Variants in MON2 observed in about 807,000 individuals in gnomAD.
MON2 encodes protein MON2 homolog.
A neutral mutation model predicts 208.6 loss-of-function variants in MON2; 84 were observed. The observed-to-expected ratio is 0.40, with a 90% CI of 0.34 to 0.48. The LOEUF (loss-of-function observed/expected upper bound fraction) is 0.48, where lower values mean the gene tolerates loss of function less well. Among genes scored for constraint, MON2 ranks in the 20% least tolerant of loss-of-function variants. The probability of loss-of-function intolerance (pLI) is 0.59; values close to 1 mark genes in which losing one functional copy is unlikely to be tolerated. For missense variants in MON2, 1,611 were observed against 2,015.4 expected (o/e 0.80, Z 3.84); for synonymous variants, 660 against 694.0 (o/e 0.95, Z 0.77).
chr12:62,472,786 T>A (rs1182651011), intron 1 of MON2, among the ~76,000 whole-genome samples: 5 of 152,196 alleles, frequency 3.3e-5, no homozygotes, highest in Admixed American at 2.6e-4. Flanking sequence ...TTACTTGGGA[T>A]CTGTTTTGGT....
At chr12:62,557,888 C>A (rs2136330281) in intron 25 of MON2, among the ~76,000 whole-genome samples, 1 of 124,842 alleles carries the variant, frequency 8.0e-6, no homozygotes, top group South Asian at 2.7e-4. Flanking sequence ...ATTTTTAGTA[C>A]CTTCATGATA....
chr12:62,592,044 A>T (rs2075413205), intron 34 of MON2, among the ~76,000 whole-genome samples: 1 of 152,188 alleles, frequency 6.6e-6, no homozygotes, highest in Non-Finnish European at 1.5e-5. Flanking sequence ...GTTCCTCCCC[A>T]CTCAAGTCTA....
intron 30 of MON2, among the ~76,000 whole-genome samples, chr12:62,577,103 C>T (rs2074820778): frequency 6.6e-6 from 1 of 151,968 alleles, no homozygotes; most frequent in Non-Finnish European, 1.5e-5. Context: ...TTACTAAACC[C>T]TTACCTTCCT....
At position 62,549,673 on chromosome 12, in the gene MON2, C is replaced by T; in HGVS notation, c.2759C>T (p.Ser920Phe). 2 of 1,589,866 alleles carry T rather than the reference C, an allele frequency of 1.3e-6. No homozygotes were observed. The highest frequency in any genetic ancestry group is 1.7e-6 in the Non-Finnish European group (2 of 1,172,700). Residue 920 changes from serine to phenylalanine, a missense_variant, in exon 23 of 35, where the codon TCC (serine) becomes TTC (phenylalanine). Coordinates refer to ENST00000393630, the MANE Select transcript of MON2 (RefSeq NM_015026.3). ...TACATTTCTTTTGTTTTCAGAGAAT[C>T]CTTGATACGAACTGCATTCCAGTGT... ...MGAIRNDQGESLIRTAFQCLQ... is the reference protein window; with the variant it reads ...MGAIRNDQGEFLIRTAFQCLQ...
rs992348671 is a variant in MON2 at position 62,556,176 on chromosome 12, T to C, written c.3393T>C (p.Tyr1131=). ...GVARIFNTRR[Y]LLQPLGDFSR... is the part of the protein sequence containing the mutation. ...CAAGGATCTTCAACACTAGAAGATA[T>C]TTGCTGCAGCCTTTAGGTATACGTA... Residue 1131 remains tyrosine (Y), a synonymous_variant, in exon 25 of 35, where the codon TAT becomes TAC. Coordinates refer to ENST00000393630, the MANE Select transcript of MON2 (RefSeq NM_015026.3). The C allele has an allele frequency of 1.2e-6, 2 of 1,613,740 alleles. No homozygotes were observed. The highest frequency in any genetic ancestry group is 1.7e-5 in the Admixed American group (1 of 59,982).
At chr12:62,472,159 A>G in intron 1 of MON2, among the ~76,000 whole-genome samples, 1 of 152,226 alleles carries the variant, frequency 6.6e-6, no homozygotes, top group Non-Finnish European at 1.5e-5. Context: ...AAAGAAGGAA[A>G]GCCAATAGTT....
At chr12:62,550,909 C>CTTTTTTTTTTTT (rs869160726) in intron 23 of MON2, among the ~76,000 whole-genome samples, 13 of 43,804 alleles carry the variant, frequency 3.0e-4, no homozygotes, top group Non-Finnish European at 3.4e-4. Flanking sequence ...TTCTTTCTTT[C>CTTTTTTTTTTTT]TTTTTTTTTT....
intron 7 of MON2, among the ~76,000 whole-genome samples, chr12:62,506,307 A>C (rs991281394): frequency 6.6e-6 from 1 of 152,224 alleles, no homozygotes. Flanking sequence ...AATATTTATA[A>C]AAGTCTGGAA....
At chr12:62,494,968 A>T (rs1423746863) in intron 3 of MON2, 48 bp from the exon 4 acceptor site, 5 of 1,397,026 alleles carry the variant, frequency 3.6e-6, no homozygotes, top group Non-Finnish European at 4.9e-6. Context: ...AGGGACATCA[A>T]CATCTATATT....
intron 26 of MON2, 145 bp downstream of exon 26, chr12:62,561,258 C>G (rs1286923395): frequency 3.1e-6 from 2 of 643,464 alleles, no homozygotes; most frequent in Non-Finnish European, 4.9e-6. Context: ...TTGTCAAGAT[C>G]TAGGTATTTT....
chr12:62,538,139 C>T lies in MON2; in HGVS notation c.2162C>T (p.Ala721Val), dbSNP rs1276847381. The change falls in exon 17 of 35, where the codon GCC becomes GTC. Residue 721 changes from alanine to valine, a missense_variant. Ala to Val is a moderately conservative substitution (Grantham distance 64). Transcript: ENST00000393630. ...GGATTAAAGCCTAGTAGTGGCGGTG[C>T]CTTGAAACCTGGGAGAGCTGTAGAA... is the stretch of plus-strand genomic sequence containing the variant. ...ILGLKPSSGG[A>V]LKPGRAVEGP... 6.2e-7 allele frequency: 1 copy of T among 1,613,486 alleles called. No individual in the cohort carries two copies. The highest frequency in any genetic ancestry group is 1.1e-5 in the South Asian group (1 of 91,048).
rs374102987 is a variant in MON2, at chr12:62,536,224, A to T, written c.1900+515A>T. ...AGATACCATTGAAATGGTGATTGTTATTTTTTTTTAATGGAACTAGTAGAA... is the reference window on the plus strand; with the variant it reads ...AGATACCATTGAAATGGTGATTGTTTTTTTTTTTTAATGGAACTAGTAGAA... On this transcript the variant is annotated intron_variant, in intron 14 of 34. Transcript: ENST00000393630. Among the ~76,000 whole-genome samples the T allele has an allele frequency of 4.6e-5, 7 of 150,926 alleles. 1 individual carries two copies. Among genetic ancestry groups the T allele is most frequent in the Middle Eastern group, 6.8e-3 (2 of 294 alleles).
At position 62,537,152 on chromosome 12, in the gene MON2, A is replaced by G; in HGVS notation, c.1902A>G (p.Ser634=). ...TTTAGGCTTTCCTTTGTGTTCTAGC[A>G]TATTCCGTTCAGGGCCAAAGTGTTA... ...TTTAATLSNK[S]YSVQGQSVMM... is the part of the protein sequence containing the mutation. Residue 634 remains serine (S), a splice_region_variant and synonymous_variant, in exon 15 of 35, where the codon TCA becomes TCG. Coordinates refer to ENST00000393630, the MANE Select transcript of MON2 (RefSeq NM_015026.3). The G allele has an allele frequency of 6.3e-7, 1 of 1,588,014 alleles. No homozygotes were observed. The highest frequency in any genetic ancestry group is 8.6e-7 in the Non-Finnish European group (1 of 1,160,452).
At chr12:62,479,035 T>C (rs2069247670) in intron 1 of MON2, among the ~76,000 whole-genome samples, 1 of 152,078 alleles carries the variant, frequency 6.6e-6, no homozygotes, top group African/African-American at 2.4e-5. Flanking sequence ...CTGGCTGAGG[T>C]AGGAGTTTGG....
intron 8 of MON2, 85 bp from the exon 9 acceptor site, chr12:62,524,430 A>G: frequency 9.0e-7 from 1 of 1,112,106 alleles, no homozygotes; most frequent in Non-Finnish European, 1.3e-6. Context: ...TGGTTTGTCC[A>G]TAGCACTAAG....
At position 62,571,378 on chromosome 12, in the gene MON2, G is replaced by C. The variant is rs1053027542; in HGVS notation, c.4324-14G>C. The C allele has an allele frequency of 6.6e-7, 1 of 1,525,834 alleles. No homozygotes were observed. Among genetic ancestry groups the C allele is most frequent in the Non-Finnish European group, 8.9e-7 (1 of 1,129,198 alleles). 94.5% of individuals were successfully genotyped at this position (1,525,834 alleles called of 1,614,324 possible). A position where few individuals can be genotyped will look rare whatever the true frequency, so the allele number is the denominator to read the frequency against. On this transcript the variant is annotated splice_polypyrimidine_tract_variant and intron_variant, in intron 29 of 34. Coordinates refer to ENST00000393630, the MANE Select transcript of MON2 (RefSeq NM_015026.3). ...TTTTAATTAATGCTTATATTAAACT[G>C]TCTTTATTTTCAGACTCTTAGGGTT...
chr12:62,582,894 A>G (rs1348750866), intron 32 of MON2, among the ~76,000 whole-genome samples: 3 of 152,240 alleles, frequency 2.0e-5, no homozygotes, highest in Non-Finnish European at 4.4e-5. Flanking sequence ...AACACCAAAG[A>G]GAAAGACCAA....
intron 2 of MON2, 67 bp downstream of exon 2, chr12:62,484,300 AT>A (rs2069628185): frequency 9.8e-7 from 1 of 1,021,420 alleles, no homozygotes; most frequent in Admixed American, 2.2e-5. Context: ...TAGAATCTTT[AT>A]TGTAAAAGCC....
At chr12:62,527,265 A>G (rs1295946684) in intron 11 of MON2, among the ~76,000 whole-genome samples, 1 of 152,214 alleles carries the variant, frequency 6.6e-6, no homozygotes, top group Non-Finnish European at 1.5e-5. Context: ...TCTTAAAAAA[A>G]ATAGAAATGA....
Sources: gnomAD v4.1 joint callset for allele counts (sites outside exome capture counted in the v4.1 genomes callset) on GRCh38, gnomAD v4.1.1 for gene constraint, MANE v1.5 for transcripts, NCBI Gene and HGNC (gene_info 2026-07-23, HGNC 2026-07-21) for gene names.